USP38: variants seen among roughly 807,000 people sequenced by gnomAD.
USP38 encodes the protein ubiquitin specific peptidase 38.
Under a neutral mutation model 94.3 loss-of-function variants are expected in USP38, and 49 were observed. That is an observed-to-expected ratio of 0.52 (90% CI 0.41 to 0.66). USP38 has a LOEUF of 0.66. Ranked by LOEUF, USP38 falls within the 30% of genes least tolerant of loss-of-function variation. The pLI is 0.00. For synonymous variants in USP38, 468 were observed against 463.6 expected, an observed-to-expected ratio of 1.01 and a Z score of -0.12; for missense variants, 1,128 against 1,229.4, an observed-to-expected ratio of 0.92 and a Z score of 1.23.
intron 6 of USP38, among the ~76,000 whole-genome samples, chr4:143,207,028 G>A (rs1731887148): frequency 6.6e-6 from 1 of 152,046 alleles, no homozygotes; most frequent in South Asian, 2.1e-4. Flanking sequence ...ATTTTCTTTT[G>A]CACCTAAGCA....
In USP38 at chr4:143,195,619, A is replaced by G. The variant is rs149263442; in HGVS notation, c.819-97A>G. The G allele has an allele frequency of 3.6e-4, 463 of 1,272,516 alleles. 2 individuals are homozygous for G. Among genetic ancestry groups the G allele is most frequent in the Non-Finnish European group, 4.6e-4 (442 of 953,252 alleles). 78.8% of individuals were successfully genotyped at this position (1,272,516 alleles called of 1,614,324 possible). On this transcript the variant is annotated intron_variant, in intron 2 of 9. Transcript: ENST00000307017. The stretch of plus-strand genomic sequence containing the variant: ...TCACCAGCAAATTCAGTAAATGTTT[A>G]TTCACAAAGTGAGTGATTATCTACT...
chr4:143,218,434 G>A (rs1430440277), intron 9 of USP38, among the ~76,000 whole-genome samples: 1 of 151,890 alleles, frequency 6.6e-6, no homozygotes, highest in Non-Finnish European at 1.5e-5. Context: ...GTTCTTACCT[G>A]TATTAAGTAA....
chr4:143,221,638 G>A lies in USP38; in HGVS notation c.*1182G>A, dbSNP rs1356798606. 1 of 152,108 alleles carries A rather than the reference G, an allele frequency of 6.6e-6. No individual in the cohort carries two copies. Among genetic ancestry groups the A allele is most frequent in the African/African-American group, 2.4e-5 (1 of 41,446 alleles). The allele number at this position is 152,108 out of a possible 1,614,324, so 9.4% of individuals were successfully genotyped here. A position where few individuals can be genotyped will look rare whatever the true frequency, so the allele number is the denominator to read the frequency against. On this transcript the variant is annotated 3_prime_UTR_variant, in exon 10 of 10. Coordinates refer to ENST00000307017, the MANE Select transcript of USP38 (RefSeq NM_032557.6). ...TCTTTTGCCAGGAAACTGGAAACAT[G>A]TCAGTTCTCCTGGTTCTTGATTATA...
rs534096720 is a variant in USP38, at chr4:143,221,294, G to C, written c.*838G>C. The C allele has an allele frequency of 6.6e-6, 1 of 152,362 alleles. No homozygotes were observed. The highest frequency in any genetic ancestry group is 1.5e-5 in the Non-Finnish European group (1 of 67,966). 9.4% of individuals were successfully genotyped at this position (152,362 alleles called of 1,614,324 possible). On this transcript the variant is annotated 3_prime_UTR_variant, in exon 10 of 10. Coordinates refer to ENST00000307017, the MANE Select transcript of USP38 (RefSeq NM_032557.6). ...AATGAAATGTTAGGAAGTAATTTTC[G>C]TGCTAACATTAAAATTATAACTTTT...
chr4:143,194,755 G>A (rs533104444), intron 2 of USP38, among the ~76,000 whole-genome samples: 100 of 152,280 alleles, frequency 6.6e-4, no homozygotes, highest in African/African-American at 9.6e-4. Context: ...TGATCCAGCC[G>A]CCTTGGCTTC....
At position 143,209,674 on chromosome 4, in the gene USP38, A is replaced by G; in HGVS notation, c.1497+17A>G. On this transcript the variant is annotated intron_variant, in intron 7 of 9. Coordinates refer to ENST00000307017, the MANE Select transcript of USP38 (RefSeq NM_032557.6). ...CATACACAGGTGAGTGTGTATGTGTATATAGTACGTTTATGTTAACTGCGT... is the reference window on the plus strand; with the variant it reads ...CATACACAGGTGAGTGTGTATGTGTGTATAGTACGTTTATGTTAACTGCGT... 1.9e-5 allele frequency: 29 copies of G among 1,505,020 alleles called. No individual in the cohort carries two copies. Among genetic ancestry groups the G allele is most frequent in the Non-Finnish European group, 2.7e-5 (29 of 1,091,096 alleles). 93.2% of individuals were successfully genotyped at this position (1,505,020 alleles called of 1,614,324 possible). A position where few individuals can be genotyped will look rare whatever the true frequency, so the allele number is the denominator to read the frequency against.
chr4:143,186,677 T>C (rs943131325), intron 1 of USP38, among the ~76,000 whole-genome samples: 1 of 152,178 alleles, frequency 6.6e-6, no homozygotes, highest in African/African-American at 2.4e-5. Context: ...GGAATACAGA[T>C]AGAATGAGGG....
intron 2 of USP38, among the ~76,000 whole-genome samples, chr4:143,193,345 G>C (rs1410656249): frequency 6.6e-6 from 1 of 151,876 alleles, no homozygotes; most frequent in African/African-American, 2.4e-5. Flanking sequence ...CAGTACCATA[G>C]TAGCCATTTC....
rs1234092205 is a variant in USP38 at position 143,209,618 on chromosome 4, A to G, written c.1458A>G (p.Lys486=). Residue 486 remains lysine, a synonymous_variant, in exon 7 of 10, where the codon AAA becomes AAG. Coordinates refer to ENST00000307017, the MANE Select transcript of USP38 (RefSeq NM_032557.6). ...LNLNGCNSLM[K]KLQHLFAFLA... ...TAAATGGGTGCAATTCATTAATGAA[A>G]AAATTACAGCATCTTTTTGCCTTTC... 1.9e-6 allele frequency: 3 copies of G among 1,609,590 alleles called. No individual in the cohort carries two copies. Among genetic ancestry groups the G allele is most frequent in the Non-Finnish European group, 1.7e-6 (2 of 1,176,744 alleles).
chr4:143,189,027 G>GA (rs975305660), intron 2 of USP38, among the ~76,000 whole-genome samples: 3 of 151,530 alleles, frequency 2.0e-5, no homozygotes, highest in African/African-American at 2.4e-5. Flanking sequence ...ATACATGTTT[G>GA]AAAAAAAAGC....
intron 1 of USP38, among the ~76,000 whole-genome samples, chr4:143,187,289 A>G (rs1346133940): frequency 1.3e-5 from 2 of 152,176 alleles, no homozygotes; most frequent in Non-Finnish European, 2.9e-5. Context: ...AGAGCAATGT[A>G]ATGATGAATA....
rs1157493256 is a variant in USP38 at position 143,221,455 on chromosome 4, T to C, written c.*999T>C. 6.6e-6 allele frequency: 1 copy of C among 152,616 alleles called. No individual in the cohort carries two copies. The highest frequency in any genetic ancestry group is 2.4e-5 in the African/African-American group (1 of 41,470). The allele number at this position is 152,616 out of a possible 1,614,324, so 9.5% of individuals were successfully genotyped here. A position where few individuals can be genotyped will look rare whatever the true frequency, so the allele number is the denominator to read the frequency against. ...AAAAAATCTGTCTTGATTTTGTTAC[T>C]TATTCCTCAGAATATTAAACATTGA... On this transcript the variant is annotated 3_prime_UTR_variant, in exon 10 of 10. Transcript: ENST00000307017.
chr4:143,187,178 G>T (rs1047447528), intron 1 of USP38, among the ~76,000 whole-genome samples: 5 of 151,682 alleles, frequency 3.3e-5, no homozygotes, highest in African/African-American at 1.2e-4. Flanking sequence ...AGCAGTAAAG[G>T]TACTTGTCTT....
chr4:143,211,765 A>G (rs977322290), intron 7 of USP38, among the ~76,000 whole-genome samples: 1 of 152,194 alleles, frequency 6.6e-6, no homozygotes, highest in African/African-American at 2.4e-5. Flanking sequence ...AGCAGCCTCT[A>G]TACTTTAAAA....
In USP38 at chr4:143,223,622, A is replaced by G. The variant is rs1313942514; in HGVS notation, c.*3166A>G. On this transcript the variant is annotated 3_prime_UTR_variant, in exon 10 of 10. Transcript: ENST00000307017. ...GTGCCCAGCACAGTTTAGGAAAAAA[A>G]TAATTGGCACTGTTTGTCCAGTTAC... 1 of 152,130 alleles carries G rather than the reference A, an allele frequency of 6.6e-6. No homozygotes were observed. Among genetic ancestry groups the G allele is most frequent in the Non-Finnish European group, 1.5e-5 (1 of 67,998 alleles). 9.4% of individuals were successfully genotyped at this position (152,130 alleles called of 1,614,324 possible).
At position 143,212,486 on chromosome 4, in the gene USP38, T is replaced by G. The variant is rs1732054133; in HGVS notation, c.1604+62T>G. 4.7e-6 allele frequency: 5 copies of G among 1,061,938 alleles called. No individual in the cohort carries two copies. In the Admixed American group the frequency reaches 7.7e-5, roughly 16 times the overall value. 65.8% of individuals were successfully genotyped at this position (1,061,938 alleles called of 1,614,324 possible). A position where few individuals can be genotyped will look rare whatever the true frequency, so the allele number is the denominator to read the frequency against. On this transcript the variant is annotated intron_variant, in intron 8 of 9. Transcript: ENST00000307017. ...TCTTTCATAACAGTTTAATTCTACT[T>G]AATATTGCTTTTACCTTTAAAAACA...
chr4:143,198,021 G>A (rs868062038), intron 4 of USP38, 97 bp downstream of exon 4: 25 of 766,646 alleles, frequency 3.3e-5, no homozygotes, highest in Middle Eastern at 2.6e-4. Flanking sequence ...AATATTGCAA[G>A]TTAGTCCCAA....
chr4:143,197,747 C>T, intron 3 of USP38, 76 bp from the exon 4 acceptor site: 1 of 989,430 alleles, frequency 1.0e-6, no homozygotes. Context: ...TAAATTCTAG[C>T]TCTAGGAAAA....
In USP38 at chr4:143,185,676, TTC is replaced by T; in HGVS notation, c.227_228del (p.Phe76Ter). 1 of 1,614,140 alleles carries T rather than the reference TTC, an allele frequency of 6.2e-7. No homozygotes were observed. ...CTACGCACGATACCACCGGCCAGAGTTCGAGTCCTTCTTCAACAAGACCTTCG... is the reference window on the plus strand; with the variant it reads ...CTACGCACGATACCACCGGCCAGAGTGAGTCCTTCTTCAACAAGACCTTCG... ...EAYARYHRPE[F>X]ESFFNKTFVL... On this transcript the variant is annotated frameshift_variant, in exon 1 of 10. Coordinates refer to ENST00000307017, the MANE Select transcript of USP38 (RefSeq NM_032557.6). LOFTEE classifies it high-confidence loss of function.
Sources: gnomAD v4.1 joint callset for allele counts (sites outside exome capture counted in the v4.1 genomes callset) on GRCh38, gnomAD v4.1.1 for gene constraint, MANE v1.5 for transcripts, NCBI Gene and HGNC (gene_info 2026-07-23, HGNC 2026-07-21) for gene names.